Variants in DCAF12 observed in about 807,000 individuals in gnomAD.
DCAF12 encodes the protein DDB1 and CUL4 associated factor 12, also known as DDB1- and CUL4-associated factor 12.
DCAF12 carries 28 observed loss-of-function variants against 52.8 expected under a neutral mutation model. The ratio of observed to expected loss-of-function variants is 0.53; its 90% CI spans 0.39 to 0.73. The LOEUF (loss-of-function observed/expected upper bound fraction) is 0.73, where lower values mean the gene tolerates loss of function less well. Among genes scored for constraint, DCAF12 ranks in the 30% least tolerant of loss-of-function variants. The pLI is 0.00. For missense variants in DCAF12, 425 were observed against 552.2 expected (o/e 0.77, Z 2.31); for synonymous variants, 196 against 215.5 (o/e 0.91, Z 0.79).
chr9:34,124,243 G>C (rs912485433), intron 2 of DCAF12, among the ~76,000 whole-genome samples: 2 of 152,118 alleles, frequency 1.3e-5, no homozygotes, highest in Non-Finnish European at 2.9e-5. Flanking sequence ...GGTGAAAACC[G>C]AGGGAGGGCT....
chr9:34,092,861 T>A (rs1485971639), intron 7 of DCAF12, among the ~76,000 whole-genome samples: 1 of 152,184 alleles, frequency 6.6e-6, no homozygotes, highest in Non-Finnish European at 1.5e-5. Flanking sequence ...CCCTTTTTTT[T>A]TGAGACAGAA....
rs931776822 is a variant in DCAF12 at position 34,087,609 on chromosome 9, G to C, written c.*741C>G. On this transcript the variant is annotated 3_prime_UTR_variant, in exon 9 of 9. Coordinates refer to ENST00000361264, the MANE Select transcript of DCAF12 (RefSeq NM_015397.4). ...CAACTTCCCACACGGGGGACACACAGGTGGGAAGACAGGTAGGGCTGGATC... is the reference window on the plus strand; with the variant it reads ...CAACTTCCCACACGGGGGACACACACGTGGGAAGACAGGTAGGGCTGGATC... 4 of 152,210 alleles carry C rather than the reference G, an allele frequency of 2.6e-5. No homozygotes were observed. Among genetic ancestry groups the C allele is most frequent in the Non-Finnish European group, 4.4e-5 (3 of 68,058 alleles). The allele number at this position is 152,210 out of a possible 1,614,324, so 9.4% of individuals were successfully genotyped here. A position where few individuals can be genotyped will look rare whatever the true frequency, so the allele number is the denominator to read the frequency against.
intron 2 of DCAF12, among the ~76,000 whole-genome samples, chr9:34,119,318 C>T (rs1476510623): frequency 1.3e-5 from 2 of 152,140 alleles, no homozygotes; most frequent in African/African-American, 4.8e-5. Context: ...ATTTAAAATG[C>T]AAGAAAGATC....
intron 2 of DCAF12, among the ~76,000 whole-genome samples, chr9:34,120,754 G>A (rs903958386): frequency 4.6e-5 from 7 of 151,512 alleles, no homozygotes; most frequent in East Asian, 1.9e-4. Flanking sequence ...GTGTCCTAGC[G>A]TAAATAAATA....
In DCAF12 at chr9:34,088,525, A is replaced by G. The variant is rs1477108511; in HGVS notation, c.1204-17T>C. ...ATCATGATTCTACGGGAAGAGAAAGAGACTACAATTAGCACCTCTAGCCAT... is the reference window on the plus strand; with the variant it reads ...ATCATGATTCTACGGGAAGAGAAAGGGACTACAATTAGCACCTCTAGCCAT... On this transcript the variant is annotated splice_polypyrimidine_tract_variant and intron_variant, in intron 8 of 8. Transcript: ENST00000361264. 6.2e-7 allele frequency: 1 copy of G among 1,614,014 alleles called. No individual in the cohort carries two copies. The highest frequency in any genetic ancestry group is 8.5e-7 in the Non-Finnish European group (1 of 1,179,926).
chr9:34,110,048 A>C (rs1406030504), intron 2 of DCAF12: 6 of 119,506 alleles, frequency 5.0e-5, no homozygotes, highest in African/African-American at 1.7e-4. Context: ...AATATATATA[A>C]TATATGTTTA....
chr9:34,089,105 T>C (rs1160408012), intron 8 of DCAF12, among the ~76,000 whole-genome samples: 1 of 135,096 alleles, frequency 7.4e-6, no homozygotes, highest in Non-Finnish European at 1.6e-5. Flanking sequence ...AGAGTGACCC[T>C]GTCTCAAAAA....
chr9:34,090,535 C>A (rs1828627073), intron 7 of DCAF12, among the ~76,000 whole-genome samples: 1 of 152,096 alleles, frequency 6.6e-6, no homozygotes, highest in Admixed American at 6.6e-5. Flanking sequence ...TGTCTCTTGG[C>A]ACATAAGAAC....
rs1410904584 is a variant in DCAF12 at position 34,108,804 on chromosome 9, A to AAAAAAAT, written c.334-1240_334-1239insATTTTTT. On this transcript the variant is annotated intron_variant, in intron 2 of 8. Transcript: ENST00000361264. ...GTGAGACTTGGTCTCAAAAAAAATA[A>AAAAAAAT]ATAAATAAATATATATATATATATA... Among the ~76,000 whole-genome samples the AAAAAAAT allele has an allele frequency of 3.1e-4, 37 of 118,004 alleles. 1 individual carries two copies. Among genetic ancestry groups the AAAAAAAT allele is most frequent in the East Asian group, 3.1e-3 (15 of 4,894 alleles). The allele number at this position is 118,004 out of a possible 152,430, so 77.4% of individuals were successfully genotyped here. A position where few individuals can be genotyped will look rare whatever the true frequency, so the allele number is the denominator to read the frequency against.
At chr9:34,089,110 CAAA>C (rs771038838) in intron 8 of DCAF12, among the ~76,000 whole-genome samples, 38 of 92,428 alleles carry the variant, frequency 4.1e-4, no homozygotes, top group Admixed American at 8.5e-4. Context: ...GACCCTGTCT[CAAA>C]AAAAAAAAAA....
rs965168388 is a variant in DCAF12, at chr9:34,125,271, A to G, written c.85T>C (p.Trp29Arg). The change falls in exon 2 of 9, where the codon TGG (tryptophan) becomes CGG (arginine). Residue 29 changes from tryptophan to arginine, a missense_variant. Trp to Arg is a moderately radical substitution (Grantham distance 101). This residue lies in a region of DCAF12 where 89 missense variants were observed against 84.9 expected (regional missense o/e 1.05). Transcript: ENST00000361264. Reference sequence around the variant, plus strand: ...TTCCTTTTGTGAAGCGAGTGATCCCAGCCAAACTGTGGAAACAACATTAGA... The same window carrying G: ...TTCCTTTTGTGAAGCGAGTGATCCCGGCCAAACTGTGGAAACAACATTAGA... ...GSDAQGPQFGWDHSLHKRKRL... is the reference protein window; with the variant it reads ...GSDAQGPQFGRDHSLHKRKRL... 6.2e-7 allele frequency: 1 copy of G among 1,613,878 alleles called. No homozygotes were observed. Among genetic ancestry groups the G allele is most frequent in the Non-Finnish European group, 8.5e-7 (1 of 1,179,958 alleles).
At chr9:34,111,378 C>G (rs570924739) in intron 2 of DCAF12, among the ~76,000 whole-genome samples, 1 of 152,322 alleles carries the variant, frequency 6.6e-6, no homozygotes, top group African/African-American at 2.4e-5. Context: ...CCAGGCTGAT[C>G]AAGTGCCTCT....
chr9:34,099,635 C>G (rs899349197), intron 4 of DCAF12, among the ~76,000 whole-genome samples: 2 of 151,682 alleles, frequency 1.3e-5, no homozygotes, highest in African/African-American at 4.9e-5. Context: ...TCTGTGTTAC[C>G]CAGGCTGGAG....
chr9:34,108,202 A>C (rs1043725830), intron 2 of DCAF12, among the ~76,000 whole-genome samples: 3 of 152,172 alleles, frequency 2.0e-5, no homozygotes, highest in Non-Finnish European at 4.4e-5. Context: ...TTTATGGAAA[A>C]ATCAGTCTTA....
chr9:34,094,866 T>C (rs540084042), intron 6 of DCAF12, among the ~76,000 whole-genome samples: 41 of 152,234 alleles, frequency 2.7e-4, no homozygotes, highest in African/African-American at 9.9e-4. Flanking sequence ...TAAGGAGCTA[T>C]CTTGGGGATG....
At chr9:34,117,103 G>T (rs1254974745) in intron 2 of DCAF12, among the ~76,000 whole-genome samples, 1 of 152,150 alleles carries the variant, frequency 6.6e-6, no homozygotes, top group Non-Finnish European at 1.5e-5. Context: ...GATAAGTAAT[G>T]GTACTTCATA....
intron 3 of DCAF12, 118 bp from the exon 4 acceptor site, chr9:34,106,612 TACA>T: frequency 1.2e-6 from 1 of 800,462 alleles, no homozygotes. Flanking sequence ...TTGTAGAAAT[TACA>T]ACTCTGATCT....
At chr9:34,126,283 G>A in intron 1 of DCAF12, 71 bp downstream of exon 1, 1 of 1,572,740 alleles carries the variant, frequency 6.4e-7, no homozygotes. Context: ...TCCCGTCGCA[G>A]GATCTGCGGA....
At chr9:34,104,612 AT>A (rs1828876863) in intron 4 of DCAF12, among the ~76,000 whole-genome samples, 1 of 152,114 alleles carries the variant, frequency 6.6e-6, no homozygotes, top group African/African-American at 2.4e-5. Flanking sequence ...TATTATGAAA[AT>A]TTTAAAGTGT....
Sources: gnomAD v4.1 joint callset for allele counts (sites outside exome capture counted in the v4.1 genomes callset) on GRCh38, gnomAD v4.1.1 for gene constraint, gnomAD v4.1.1 regional missense constraint, MANE v1.5 for transcripts, NCBI Gene and HGNC (gene_info 2026-07-23, HGNC 2026-07-21) for gene names.